PANX3: variants seen among roughly 807,000 people sequenced by gnomAD.
PANX3 encodes pannexin 3.
Under a neutral mutation model 31.5 loss-of-function variants are expected in PANX3, and 18 were observed. That is an observed-to-expected ratio of 0.57 (90% CI 0.39 to 0.85). The LOEUF (loss-of-function observed/expected upper bound fraction) is 0.85. PANX3 is among the 40% of genes least tolerant of loss of function. PANX3 has a pLI of 0.00. For missense variants in PANX3, 426 were observed against 485.4 expected (o/e 0.88, Z 1.15); for synonymous variants, 194 against 201.6 (o/e 0.96, Z 0.32).
At position 124,617,283 on chromosome 11, in the gene PANX3, T is replaced by C. The variant is rs373956864; in HGVS notation, c.334T>C (p.Tyr112His). The change falls in exon 3 of 4, where the codon TAC becomes CAC. Residue 112 changes from tyrosine to histidine, a missense_variant. Physicochemically the swap from Tyr to His is moderately conservative, Grantham distance 83. Coordinates refer to ENST00000284288, the MANE Select transcript of PANX3 (RefSeq NM_052959.3). ...KSLWPHKALPYSLLALALLMY... is the reference protein window; with the variant it reads ...KSLWPHKALPHSLLALALLMY... The stretch of plus-strand genomic sequence containing the variant: ...TGCTCTCGCCCTGCAGGCCCTCCCC[T>C]ACTCCCTGCTGGCCCTGGCCTTGCT... 2.5e-6 allele frequency: 4 copies of C among 1,605,066 alleles called. No homozygotes were observed. The highest frequency in any genetic ancestry group is 3.4e-6 in the Non-Finnish European group (4 of 1,179,852).
Position 124,616,223 on chromosome 11 carries a change from C to T in PANX3, c.325-1051C>T, listed in dbSNP as rs113754968. Among the ~76,000 whole-genome samples, 7 of 152,080 alleles carry T rather than the reference C, an allele frequency of 4.6e-5. No individual in the cohort carries two copies. The highest frequency in any genetic ancestry group is 9.6e-5 in the African/African-American group (4 of 41,504). The stretch of plus-strand genomic sequence containing the variant: ...ATTATCGTCTCAGGGTTCTGGAGAC[C>T]GGAAGTCTAAGATCAAGGTGTCATC... On this transcript the variant is annotated intron_variant, in intron 2 of 3. Transcript: ENST00000284288. The surrounding 1 kb of genome is among the most constrained non-coding windows in gnomAD (Gnocchi z 4.8).
At chr11:124,614,479 G>A (rs1023633515) in intron 2 of PANX3, among the ~76,000 whole-genome samples, 1 of 151,852 alleles carries the variant, frequency 6.6e-6, no homozygotes. Flanking sequence ...TGTTGTCCAG[G>A]TTGGTCTCAA....
rs764323639 is a variant in PANX3 at position 124,613,083 on chromosome 11, G to A, written c.285G>A (p.Gly95=). The A allele has an allele frequency of 6.2e-7, 1 of 1,614,082 alleles. No homozygotes were observed. The highest frequency in any genetic ancestry group is 8.5e-7 in the Non-Finnish European group (1 of 1,180,030). ...CACTGCTTCACCATAAGCAGGACGG[G>A]CCTGGCCAGGACAAAATGAAATCTC... ...WDSLLHHKQD[G]PGQDKMKSLW... is the part of the protein sequence containing the mutation. The change falls in exon 2 of 4, where the codon GGG becomes GGA. Residue 95 remains glycine (G), a synonymous_variant. Transcript: ENST00000284288.
At chr11:124,612,275 G>A (rs1192425865) in intron 1 of PANX3, among the ~76,000 whole-genome samples, 2 of 152,200 alleles carry the variant, frequency 1.3e-5, no homozygotes, top group South Asian at 2.1e-4. Context: ...CGCACACACA[G>A]ACATTAGCAT....
In PANX3 at chr11:124,619,420, G is replaced by C. The variant is rs1032492586; in HGVS notation, c.664G>C (p.Ala222Pro). ...RNSLLLIFTSATYLYLGHFHL... is the reference protein window; with the variant it reads ...RNSLLLIFTSPTYLYLGHFHL... The stretch of plus-strand genomic sequence containing the variant: ...CTCCCTCTTGCTCATCTTCACCTCC[G>C]CCACTTACCTATACCTTGGTCATTT... Residue 222 changes from alanine to proline, a missense_variant, in exon 4 of 4, where the codon GCC (alanine) becomes CCC (proline). Coordinates refer to ENST00000284288, the MANE Select transcript of PANX3 (RefSeq NM_052959.3). The C allele has an allele frequency of 6.2e-7, 1 of 1,613,920 alleles. No individual in the cohort carries two copies. Among genetic ancestry groups the C allele is most frequent in the Non-Finnish European group, 8.5e-7 (1 of 1,180,000 alleles).
At chr11:124,617,609 A>G (rs1863169293) in intron 3 of PANX3, 121 bp downstream of exon 3, 2 of 891,110 alleles carry the variant, frequency 2.2e-6, no homozygotes, top group Admixed American at 4.1e-5. Flanking sequence ...AGTGCTTAAC[A>G]CATCATCTCA....
In PANX3 at chr11:124,611,540, C is replaced by T. The variant is rs745974783; in HGVS notation, c.-17C>T. 1.0e-4 allele frequency: 162 copies of T among 1,592,780 alleles called. No individual in the cohort carries two copies. Among genetic ancestry groups the T allele is most frequent in the Non-Finnish European group, 1.3e-4 (151 of 1,165,782 alleles). On this transcript the variant is annotated 5_prime_UTR_variant, in exon 1 of 4. Coordinates refer to ENST00000284288, the MANE Select transcript of PANX3 (RefSeq NM_052959.3). ...GACCCCTGCTGCCACCTCTGCACCC[C>T]CAAGCTCAGCAGCATCATGTCACTT...
rs963287592 is a variant in PANX3, at chr11:124,619,367, C to T, written c.611C>T (p.Ser204Leu). ...CTGGCATGTAAGCAGCGTTCACATT[C>T]GCTAGTGGCTACCTACCTCCTGAGG... ...RYLACKQRSH[S>L]LVATYLLRNS... The change falls in exon 4 of 4, where the codon TCG (serine) becomes TTG (leucine). Residue 204 changes from serine (S) to leucine (L), a missense_variant. By Grantham distance (145) the Ser-to-Leu change is moderately radical (BLOSUM62 -2). Coordinates refer to ENST00000284288, the MANE Select transcript of PANX3 (RefSeq NM_052959.3). 1.7e-5 allele frequency: 28 copies of T among 1,614,168 alleles called. No homozygotes were observed. The highest frequency in any genetic ancestry group is 4.4e-5 in the South Asian group (4 of 91,084).
At position 124,619,772 on chromosome 11, in the gene PANX3, A is replaced by C; in HGVS notation, c.1016A>C (p.Glu339Ala). 2 of 1,614,200 alleles carry C rather than the reference A, an allele frequency of 1.2e-6. No homozygotes were observed. The highest frequency in any genetic ancestry group is 1.7e-6 in the Non-Finnish European group (2 of 1,180,044). Reference sequence around the variant, plus strand: ...CTTTTCCTCCGAGCTAACATCTCTGAGCTCATCTCTTTTAGCTGGCTGAGT... The same window carrying C: ...CTTTTCCTCCGAGCTAACATCTCTGCGCTCATCTCTTTTAGCTGGCTGAGT... ...ILLFLRANIS[E>A]LISFSWLSVL... The change falls in exon 4 of 4, where the codon GAG becomes GCG. Residue 339 changes from glutamate (E) to alanine (A), a missense_variant. By Grantham distance (107) the Glu-to-Ala change is moderately radical. Coordinates refer to ENST00000284288, the MANE Select transcript of PANX3 (RefSeq NM_052959.3).
At chr11:124,612,352 T>C (rs745685857) in intron 1 of PANX3, among the ~76,000 whole-genome samples, 4 of 152,222 alleles carry the variant, frequency 2.6e-5, no homozygotes, top group Non-Finnish European at 5.9e-5. Context: ...TTAAAGAGAA[T>C]GTGGACTTCC....
intron 2 of PANX3, among the ~76,000 whole-genome samples, 174 bp from the exon 3 acceptor site, chr11:124,617,100 T>G (rs1275685003): frequency 6.6e-6 from 1 of 152,196 alleles, no homozygotes; most frequent in African/African-American, 2.4e-5. Flanking sequence ...CAGGCCCGCC[T>G]GTACTCAGCC....
chr11:124,616,466 A>G lies in PANX3; in HGVS notation c.325-808A>G, dbSNP rs1369714098. 6.6e-6 allele frequency among the ~76,000 whole-genome samples: 1 copy of G among 152,228 alleles called. No individual in the cohort carries two copies. Among genetic ancestry groups the G allele is most frequent in the African/African-American group, 2.4e-5 (1 of 41,458 alleles). Reference sequence around the variant, plus strand: ...TTTGAATTAACTAGTTGCATCCACAACAACCCCATTTCCAAATAAGGTTTC... The same window carrying G: ...TTTGAATTAACTAGTTGCATCCACAGCAACCCCATTTCCAAATAAGGTTTC... On this transcript the variant is annotated intron_variant, in intron 2 of 3. Transcript: ENST00000284288. This position sits in a 1 kb window ranked among gnomAD's most constrained non-coding sequence, Gnocchi z 4.8.
rs1312726806 is a variant in PANX3, at chr11:124,619,752, C to A, written c.996C>A (p.Phe332Leu). The A allele has an allele frequency of 1.2e-6, 2 of 1,614,068 alleles. No individual in the cohort carries two copies. ...PINDLNVILL[F>L]LRANISELIS... is the part of the protein sequence containing the mutation. ...ATGACCTCAATGTGATCCTTCTTTT[C>A]CTCCGAGCTAACATCTCTGAGCTCA... is the stretch of plus-strand genomic sequence containing the variant. The change falls in exon 4 of 4, where the codon TTC becomes TTA. Residue 332 changes from phenylalanine to leucine, a missense_variant. Coordinates refer to ENST00000284288, the MANE Select transcript of PANX3 (RefSeq NM_052959.3).
rs762531380 is a variant in PANX3, at chr11:124,611,597, A to T, written c.41A>T (p.Asp14Val). ...AHTAAEYMLS[D>V]ALLPDRRGPR... ...ACAGCTGCAGAGTACATGCTCTCAG[A>T]TGCCCTGCTGCCTGACCGCAGGGGA... Residue 14 changes from aspartate (D) to valine (V), a missense_variant, in exon 1 of 4, where the codon GAT (aspartate) becomes GTT (valine). By Grantham distance (152) the Asp-to-Val change is radical. Coordinates refer to ENST00000284288, the MANE Select transcript of PANX3 (RefSeq NM_052959.3). The T allele has an allele frequency of 1.9e-6, 3 of 1,614,100 alleles. No homozygotes were observed. In the South Asian group the frequency reaches 3.3e-5, roughly 18 times the overall value.
intron 2 of PANX3, among the ~76,000 whole-genome samples, chr11:124,613,379 T>C (rs576317034): frequency 4.9e-4 from 75 of 152,350 alleles, no homozygotes; most frequent in African/African-American, 1.7e-3. Context: ...GTCTATTTCA[T>C]TAGTATGTGA....
At chr11:124,617,216 CTG>C in intron 2 of PANX3, 56 bp from the exon 3 acceptor site, 1 of 1,358,574 alleles carries the variant, frequency 7.4e-7, no homozygotes, top group Non-Finnish European at 1.0e-6. Context: ...TCAGTCAGCA[CTG>C]TCACTCGGGG....
intron 3 of PANX3, among the ~76,000 whole-genome samples, chr11:124,618,429 C>G (rs1307159791): frequency 2.6e-5 from 4 of 152,172 alleles, no homozygotes; most frequent in Non-Finnish European, 5.9e-5. Context: ...TAGCAACAAA[C>G]CAAGTGTCAT....
chr11:124,619,611 A>C lies in PANX3; in HGVS notation c.855A>C (p.Pro285=). The change falls in exon 4 of 4, where the codon CCA becomes CCC. Residue 285 remains proline (P), a synonymous_variant. Transcript: ENST00000284288. ...TAGCAATATACACCATATTGGTTCC[A>C]GTGATAATATACAACCTCACACGGC... The part of the protein sequence containing the change: ...SSVAIYTILV[P]VIIYNLTRLC... The C allele has an allele frequency of 1.9e-6, 3 of 1,614,238 alleles. No homozygotes were observed. The highest frequency in any genetic ancestry group is 2.5e-6 in the Non-Finnish European group (3 of 1,180,050).
In PANX3 at chr11:124,617,129, A is replaced by T. The variant is rs527253418; in HGVS notation, c.325-145A>T. On this transcript the variant is annotated intron_variant, in intron 2 of 3. Transcript: ENST00000284288. ...CTCAGCCAGGTCAGTAGGGTGCCTCAGGGGCTGAGCCTGGGCTAGCCCATT... is the reference window on the plus strand; with the variant it reads ...CTCAGCCAGGTCAGTAGGGTGCCTCTGGGGCTGAGCCTGGGCTAGCCCATT... 8.8e-6 allele frequency: 6 copies of T among 683,932 alleles called. No individual in the cohort carries two copies. The Admixed American group carries it at 1.5e-4, about 17-fold the overall frequency. The allele number at this position is 683,932 out of a possible 1,614,324, so 42.4% of individuals were successfully genotyped here.
Sources: allele counts gnomAD v4.1 joint callset (sites outside exome capture counted in the v4.1 genomes callset), GRCh38; gene constraint gnomAD v4.1.1; non-coding constraint Gnocchi (gnomAD v3.1); transcripts MANE v1.5; gene names NCBI Gene and HGNC (gene_info 2026-07-23, HGNC 2026-07-21).